DCN: variants seen among roughly 807,000 people sequenced by gnomAD.
DCN encodes the protein decorin, also known as bone proteoglycan II.
In DCN, 17 loss-of-function variants were observed where a neutral mutation model predicts 36.5. The observed-to-expected ratio is 0.47, with a 90% CI of 0.32 to 0.70. DCN has a LOEUF of 0.70. Among genes scored for constraint, DCN ranks in the 30% least tolerant of loss-of-function variants. The pLI is 0.04. For synonymous variants in DCN, 163 were observed against 161.4 expected, an observed-to-expected ratio of 1.01 and a Z score of -0.07; for missense variants, 389 against 430.1, an observed-to-expected ratio of 0.90 and a Z score of 0.84.
intron 2 of DCN, chr12:91,175,337 CT>C (rs1166780528): frequency 5.8e-5 from 7 of 121,196 alleles, no homozygotes; most frequent in Admixed American, 3.7e-4. Context: ...CCCTCATCCT[CT>C]TAAAAAAAAA....
At position 91,142,893 on chromosome 12, in the gene DCN, G is replaced by T. The variant is rs950837629; in HGVS notation, c.*3165C>A. On this transcript the variant is annotated 3_prime_UTR_variant, in exon 8 of 8. Coordinates refer to ENST00000052754, the MANE Select transcript of DCN (RefSeq NM_001920.5). Reference sequence around the variant, plus strand: ...GAAAGTGGATATTAATGATTAAGTTGTGTCTCCTCCCAGAAGATATGTTCA... The same window carrying T: ...GAAAGTGGATATTAATGATTAAGTTTTGTCTCCTCCCAGAAGATATGTTCA... The T allele has an allele frequency of 2.6e-5, 4 of 152,132 alleles. No individual in the cohort carries two copies. Among genetic ancestry groups the T allele is most frequent in the Non-Finnish European group, 4.4e-5 (3 of 68,006 alleles). 9.4% of individuals were successfully genotyped at this position (152,132 alleles called of 1,614,324 possible).
At chr12:91,163,846 A>C (rs1457473384) in intron 3 of DCN, among the ~76,000 whole-genome samples, 1 of 152,174 alleles carries the variant, frequency 6.6e-6, no homozygotes. Flanking sequence ...TAGAAAATGC[A>C]TGAAAACAAA....
intron 7 of DCN, among the ~76,000 whole-genome samples, chr12:91,148,328 C>T (rs990861412): frequency 6.6e-6 from 1 of 152,034 alleles, no homozygotes; most frequent in African/African-American, 2.4e-5. Flanking sequence ...CCACCTCAGC[C>T]TCCCAAAGTG....
chr12:91,159,074 T>C (rs1881990248), intron 3 of DCN, among the ~76,000 whole-genome samples: 1 of 152,068 alleles, frequency 6.6e-6, no homozygotes, highest in Admixed American at 6.6e-5. Flanking sequence ...CACACAGACA[T>C]GTATGTATGT....
chr12:91,167,676 A>ATTT (rs1882665166), intron 2 of DCN, among the ~76,000 whole-genome samples: 1 of 152,202 alleles, frequency 6.6e-6, no homozygotes, highest in African/African-American at 2.4e-5. Flanking sequence ...TATCCCAGAA[A>ATTT]TCAGAGAATT....
chr12:91,161,930 G>A (rs1212329856), intron 3 of DCN, among the ~76,000 whole-genome samples: 5 of 149,836 alleles, frequency 3.3e-5, no homozygotes, highest in Admixed American at 6.7e-5. Context: ...TCATGGCACT[G>A]TTTTATCTAC....
chr12:91,146,065 T>C lies in DCN; in HGVS notation c.1073A>G (p.Tyr358Cys), dbSNP rs1462710473. The C allele has an allele frequency of 1.9e-6, 3 of 1,613,392 alleles. No individual in the cohort carries two copies. Among genetic ancestry groups the C allele is most frequent in the South Asian group, 2.2e-5 (2 of 91,052 alleles). The change falls in exon 8 of 8, where the codon TAT (tyrosine) becomes TGT (cysteine). Residue 358 changes from tyrosine (Y) to cysteine (C), a missense_variant. Tyr to Cys is a radical substitution (Grantham distance 194). Coordinates refer to ENST00000052754, the MANE Select transcript of DCN (RefSeq NM_001920.5). ...YVRSAIQLGN[Y>C]K is the part of the protein sequence containing the mutation. ...TGAGGGCTTTCTTGAGAATTACTTA[T>C]AGTTTCCGAGTTGAATGGCAGAGCG...
At chr12:91,181,378 G>A (rs893312521) in intron 1 of DCN, among the ~76,000 whole-genome samples, 5 of 151,898 alleles carry the variant, frequency 3.3e-5, no homozygotes, top group Admixed American at 1.3e-4. Context: ...AATTCCTTTC[G>A]TCATTTCCTT....
chr12:91,178,692 A>G, intron 1 of DCN, 107 bp from the exon 2 acceptor site: 2 of 731,932 alleles, frequency 2.7e-6, no homozygotes, highest in South Asian at 1.5e-5. Flanking sequence ...GATGCAAAAT[A>G]ATATTTCATT....
intron 7 of DCN, 117 bp from the exon 8 acceptor site, chr12:91,146,369 T>G (rs1881023777): frequency 1.5e-6 from 1 of 662,874 alleles, no homozygotes. Context: ...TTTTTTTTTT[T>G]TTTTTGAGAT....
rs1315132550 is a variant in DCN at position 91,157,190 on chromosome 12, T to C, written c.539-2A>G. ...TCTTCAGCGGATTGGTGCCCAGTTC[T>C]ACAAATGTAATAAGTGCAAGGCTTT... On this transcript the variant is annotated splice_acceptor_variant, in intron 4 of 7. Transcript: ENST00000052754. LOFTEE classifies it high-confidence loss of function. The C allele has an allele frequency of 6.2e-7, 1 of 1,606,358 alleles. No individual in the cohort carries two copies. The highest frequency in any genetic ancestry group is 1.1e-5 in the South Asian group (1 of 90,936).
intron 2 of DCN, among the ~76,000 whole-genome samples, chr12:91,168,901 G>A (rs1308768205): frequency 6.6e-6 from 1 of 152,132 alleles, no homozygotes; most frequent in African/African-American, 2.4e-5. Context: ...CTAATAGAGT[G>A]ACTACTCCAG....
chr12:91,158,443 A>G lies in DCN; in HGVS notation c.391T>C (p.Leu131=), dbSNP rs1329032870. Residue 131 remains leucine, a synonymous_variant, in exon 4 of 8, where the codon TTG becomes CTG. Coordinates refer to ENST00000052754, the MANE Select transcript of DCN (RefSeq NM_001920.5). The stretch of plus-strand genomic sequence containing the variant: ...TTCTTGGACAGATAAAGTCGTTCCA[A>G]CTTCACCAAAGGTGTAAATGCTCCA... ...SPGAFTPLVK[L]ERLYLSKNQL... is the part of the protein sequence containing the mutation. 1 of 1,611,208 alleles carries G rather than the reference A, an allele frequency of 6.2e-7. No individual in the cohort carries two copies. The highest frequency in any genetic ancestry group is 8.5e-7 in the Non-Finnish European group (1 of 1,177,314).
At chr12:91,165,295 C>A (rs556997199) in intron 2 of DCN, among the ~76,000 whole-genome samples, 1 of 152,190 alleles carries the variant, frequency 6.6e-6, no homozygotes, top group Non-Finnish European at 1.5e-5. Context: ...AAAACAATAT[C>A]CATTTCAGTT....
intron 5 of DCN, among the ~76,000 whole-genome samples, chr12:91,154,799 C>G (rs1881655324): frequency 6.6e-6 from 1 of 152,104 alleles, no homozygotes; most frequent in Non-Finnish European, 1.5e-5. Context: ...AGCCTTACTT[C>G]TATAGAGTAA....
chr12:91,152,972 AAC>A (rs1374786456), intron 6 of DCN, 122 bp downstream of exon 6: 3 of 674,098 alleles, frequency 4.5e-6, no homozygotes, highest in Admixed American at 2.2e-5. Context: ...AGATTATAGA[AAC>A]AACAACAGCA....
chr12:91,156,092 T>C (rs907875624), intron 5 of DCN, among the ~76,000 whole-genome samples: 2 of 152,204 alleles, frequency 1.3e-5, no homozygotes, highest in Non-Finnish European at 2.9e-5. Context: ...GTAGGGACGA[T>C]GTGCAAGTTA....
In DCN at chr12:91,144,487, T is replaced by C. The variant is rs1393918782; in HGVS notation, c.*1571A>G. 1 of 152,176 alleles carries C rather than the reference T, an allele frequency of 6.6e-6. No homozygotes were observed. The highest frequency in any genetic ancestry group is 1.5e-5 in the Non-Finnish European group (1 of 68,022). 9.4% of individuals were successfully genotyped at this position (152,176 alleles called of 1,614,324 possible). A position where few individuals can be genotyped will look rare whatever the true frequency, so the allele number is the denominator to read the frequency against. ...AAAAAGAGAGGTTTCTTCCCTCTTA[T>C]TAAAAATACTGGAAAATTCAGATTT... On this transcript the variant is annotated 3_prime_UTR_variant, in exon 8 of 8. Coordinates refer to ENST00000052754, the MANE Select transcript of DCN (RefSeq NM_001920.5).
At chr12:91,167,553 A>G (rs760362184) in intron 2 of DCN, among the ~76,000 whole-genome samples, 7 of 152,088 alleles carry the variant, frequency 4.6e-5, no homozygotes, top group Non-Finnish European at 1.0e-4. Flanking sequence ...TTCTACTTTT[A>G]AATACACCTT....
Sources: allele counts gnomAD v4.1 joint callset (sites outside exome capture counted in the v4.1 genomes callset), GRCh38; gene constraint gnomAD v4.1.1; transcripts MANE v1.5; gene names NCBI Gene and HGNC (gene_info 2026-07-23, HGNC 2026-07-21).